LGSN: variants seen among roughly 807,000 people sequenced by gnomAD.
LGSN encodes lengsin, lens protein with glutamine synthetase domain.
A neutral mutation model predicts 19.5 loss-of-function variants in LGSN; 21 were observed. The ratio of observed to expected loss-of-function variants is 1.07; its 90% CI spans 0.76 to 1.55. The LOEUF is 1.55. Ranked by LOEUF, LGSN falls within the 40% of genes most tolerant of loss-of-function variation. LGSN has a pLI of 0.00. For synonymous variants in LGSN, 257 were observed against 215.6 expected (o/e 1.19, Z -1.68); for missense variants, 673 against 608.5 (o/e 1.11, Z -1.12).
chr6:63,524,280 C>T, the LGSN span, among the ~76,000 whole-genome samples: 1 of 152,034 alleles, frequency 6.6e-6, no homozygotes, highest in Non-Finnish European at 1.5e-5. Flanking sequence ...CCCCCATGCC[C>T]AGCACTCAAT....
At chr6:63,323,896 C>T (rs1769160426), upstream of LGSN, among the ~76,000 whole-genome samples, 1 of 151,626 alleles carries the variant, frequency 6.6e-6, no homozygotes, top group Admixed American at 6.6e-5. Flanking sequence ...CTCAGCCTCC[C>T]AGATAGCTGG....
At chr6:63,542,022 G>GGTGTGTGTGTGTGT in the LGSN span, among the ~76,000 whole-genome samples, 601 of 146,834 alleles carry the variant, frequency 4.1e-3, 4 homozygotes, top group African/African-American at 0.014. Context: ...AAGAAACTGT[G>GGTGTGTGTGTGTGT]GTGTGTGTGT....
At chr6:63,374,940 GAA>G in the LGSN span, among the ~76,000 whole-genome samples, 1 of 148,382 alleles carries the variant, frequency 6.7e-6, no homozygotes, top group Middle Eastern at 3.2e-3. Flanking sequence ...CTGGAAAAGA[GAA>G]AAAAAAAAGT....
chr6:63,566,844 T>C, the LGSN span, among the ~76,000 whole-genome samples: 16 of 152,216 alleles, frequency 1.1e-4, no homozygotes, highest in Non-Finnish European at 1.8e-4. Context: ...CAATCAGTCC[T>C]CTTAAAACTC....
the LGSN span, among the ~76,000 whole-genome samples, chr6:63,362,462 C>A: frequency 6.6e-6 from 1 of 152,234 alleles, no homozygotes; most frequent in African/African-American, 2.4e-5. Context: ...GAAGCCATGA[C>A]AGATGGTACC....
the LGSN span, among the ~76,000 whole-genome samples, chr6:63,470,546 T>TA: frequency 2.0e-5 from 3 of 152,052 alleles, no homozygotes; most frequent in African/African-American, 7.2e-5. Context: ...AATATATATA[T>TA]TTTTTATTTT....
At chr6:63,492,670 C>T in the LGSN span, among the ~76,000 whole-genome samples, 1 of 152,190 alleles carries the variant, frequency 6.6e-6, no homozygotes, top group Non-Finnish European at 1.5e-5. Context: ...AAGGCAACCA[C>T]ACAAAGACAG....
the LGSN span, among the ~76,000 whole-genome samples, chr6:63,412,606 AGAAAGG>A: frequency 1.4e-5 from 2 of 146,594 alleles, no homozygotes; most frequent in East Asian, 2.0e-4. Flanking sequence ...AAAGAGGGAA[AGAAAGG>A]GAAAGGGAAA....
the LGSN span, chr6:63,441,837 G>T: frequency 1.7e-5 from 5 of 300,952 alleles, no homozygotes; most frequent in South Asian, 3.1e-5. Flanking sequence ...TGTGCAGCGG[G>T]GGCGCTGGTT....
the LGSN span, among the ~76,000 whole-genome samples, chr6:63,407,132 C>G: frequency 3.3e-5 from 5 of 152,034 alleles, no homozygotes; most frequent in Non-Finnish European, 5.9e-5. Context: ...CCTTCTGAAA[C>G]TATTCCAATC....
At chr6:63,460,074 C>T in the LGSN span, among the ~76,000 whole-genome samples, 3 of 131,110 alleles carry the variant, frequency 2.3e-5, no homozygotes, top group Middle Eastern at 4.8e-3. Flanking sequence ...TCTTTCAAAT[C>T]TGCCTTAAAT....
intron 3 of LGSN, among the ~76,000 whole-genome samples, chr6:63,282,195 A>G (rs1421922932): frequency 6.6e-6 from 1 of 152,232 alleles, no homozygotes; most frequent in Admixed American, 6.5e-5. Context: ...TCTGGAAATT[A>G]TGTATTAGAA....
the LGSN span, among the ~76,000 whole-genome samples, chr6:63,478,880 T>C: frequency 6.6e-6 from 1 of 152,222 alleles, no homozygotes; most frequent in Non-Finnish European, 1.5e-5. Context: ...CAGCTTTTCC[T>C]TCTACAGTGT....
the LGSN span, among the ~76,000 whole-genome samples, chr6:63,460,803 T>C: frequency 1.3e-5 from 2 of 152,228 alleles, no homozygotes; most frequent in African/African-American, 4.8e-5. Flanking sequence ...TTCTTCTGAA[T>C]ATACTTTTGG....
At chr6:63,393,090 C>T in the LGSN span, among the ~76,000 whole-genome samples, 1 of 151,278 alleles carries the variant, frequency 6.6e-6, no homozygotes. Flanking sequence ...GGTTTCACCG[C>T]ATTAGCCAGG....
the LGSN span, among the ~76,000 whole-genome samples, chr6:63,418,913 C>T: frequency 6.6e-6 from 1 of 152,180 alleles, no homozygotes; most frequent in African/African-American, 2.4e-5. Flanking sequence ...CTAGACTTCC[C>T]TCTTCACAGC....
chr6:63,542,434 A>T, the LGSN span, among the ~76,000 whole-genome samples: 1 of 152,142 alleles, frequency 6.6e-6, no homozygotes, highest in Admixed American at 6.6e-5. Flanking sequence ...AATAAAAAAA[A>T]AAACTCTCCT....
At chr6:63,442,223 C>A in the LGSN span, among the ~76,000 whole-genome samples, 1 of 152,194 alleles carries the variant, frequency 6.6e-6, no homozygotes, top group African/African-American at 2.4e-5. Flanking sequence ...AAGATGCAGA[C>A]CTTCACGGTG....
At chr6:63,471,647 C>T in the LGSN span, among the ~76,000 whole-genome samples, 1 of 138,436 alleles carries the variant, frequency 7.2e-6, no homozygotes, top group South Asian at 2.3e-4. Flanking sequence ...GCCTGGGTGA[C>T]AAGAATAAGA....
Sources: gnomAD v4.1 joint callset for allele counts (sites outside exome capture counted in the v4.1 genomes callset) on GRCh38, gnomAD v4.1.1 for gene constraint, MANE v1.5 for transcripts, NCBI Gene and HGNC (gene_info 2026-07-23, HGNC 2026-07-21) for gene names.